Variants in ITGA4 observed in about 807,000 individuals in gnomAD.
ITGA4 encodes the protein integrin subunit alpha 4.
Under a neutral mutation model 133.6 loss-of-function variants are expected in ITGA4, and 63 were observed. That is an observed-to-expected ratio of 0.47 (90% CI 0.38 to 0.58). The LOEUF is 0.58. ITGA4 is among the 20% of genes least tolerant of loss of function. The probability of loss-of-function intolerance (pLI) is 0.00; values close to 1 mark genes in which losing one functional copy is unlikely to be tolerated. For missense variants in ITGA4, 1,076 were observed against 1,252.7 expected (o/e 0.86, Z 2.13); for synonymous variants, 483 against 438.0 (o/e 1.10, Z -1.28).
Position 181,457,822 on chromosome 2 carries a change from C to G in ITGA4, c.168C>G (p.Val56=), listed in dbSNP as rs1035611970. The G allele has an allele frequency of 2.5e-6, 4 of 1,613,180 alleles. No individual in the cohort carries two copies. Among genetic ancestry groups the G allele is most frequent in the Admixed American group, 3.3e-5 (2 of 59,938 alleles). The part of the protein sequence containing the change: ...GPHNTLFGYS[V]VLHSHGANRW... ...ACAACACGCTGTTCGGCTACTCGGTCGTGCTGCACAGCCACGGGGCGAACC... is the reference window on the plus strand; with the variant it reads ...ACAACACGCTGTTCGGCTACTCGGTGGTGCTGCACAGCCACGGGGCGAACC... Residue 56 remains valine, a synonymous_variant, in exon 1 of 28, where the codon GTC becomes GTG. Coordinates refer to ENST00000397033, the MANE Select transcript of ITGA4 (RefSeq NM_000885.6).
chr2:181,458,000 G>C lies in ITGA4; in HGVS notation c.197+149G>C, dbSNP rs1477085035. ...GAGCCAGCTCGCTGGAAATCTGCCA[G>C]GGAAACTAACTTATCTTGGGGCGGC... On this transcript the variant is annotated intron_variant, in intron 1 of 27. Coordinates refer to ENST00000397033, the MANE Select transcript of ITGA4 (RefSeq NM_000885.6). 4.4e-6 allele frequency: 5 copies of C among 1,133,662 alleles called. No homozygotes were observed. The African/African-American group carries it at 7.8e-5, about 18-fold the overall frequency. 70.2% of individuals were successfully genotyped at this position (1,133,662 alleles called of 1,614,324 possible).
At chr2:181,474,042 A>G (rs1685617870) in intron 2 of ITGA4, among the ~76,000 whole-genome samples, 1 of 152,250 alleles carries the variant, frequency 6.6e-6, no homozygotes, top group African/African-American at 2.4e-5. Flanking sequence ...TTAAGAACAG[A>G]TGCAATAGAA....
rs1559062896 is a variant in ITGA4, at chr2:181,537,124, T to TA, written c.*1603dup. 6.6e-6 allele frequency: 3 copies of TA among 453,140 alleles called. No individual in the cohort carries two copies. The highest frequency in any genetic ancestry group is 2.0e-5 in the African/African-American group (1 of 49,942). 28.1% of individuals were successfully genotyped at this position (453,140 alleles called of 1,614,324 possible). A position where few individuals can be genotyped will look rare whatever the true frequency, so the allele number is the denominator to read the frequency against. ...AAACTTTATGACATTTATGTATTTT[T>TA]AAAAAACTTTGTATCGTTATAAAAA... On this transcript the variant is annotated 3_prime_UTR_variant, in exon 28 of 28. Transcript: ENST00000397033.
At chr2:181,507,445 A>G (rs1417769561) in intron 15 of ITGA4, among the ~76,000 whole-genome samples, 1 of 152,052 alleles carries the variant, frequency 6.6e-6, no homozygotes, top group Admixed American at 6.6e-5. Context: ...TTTGTTGAGT[A>G]CCCTTTGAAA....
intron 10 of ITGA4, among the ~76,000 whole-genome samples, chr2:181,488,320 C>A (rs1685966336): frequency 6.6e-6 from 1 of 152,076 alleles, no homozygotes; most frequent in Non-Finnish European, 1.5e-5. Context: ...TATATGAGAC[C>A]CTGGGCTTCA....
In ITGA4 at chr2:181,538,621, T is replaced by C. The variant is rs1005538893; in HGVS notation, c.*3094T>C. On this transcript the variant is annotated 3_prime_UTR_variant, in exon 28 of 28. Transcript: ENST00000397033. ...TGTTTATACCAGTTGCTATGTAAAA[T>C]TGTTCCCAAGGGAAGTTGAATGCTC... is the stretch of plus-strand genomic sequence containing the variant. 6.6e-6 allele frequency among the ~76,000 whole-genome samples: 1 copy of C among 152,072 alleles called. No homozygotes were observed. The highest frequency in any genetic ancestry group is 1.9e-4 in the East Asian group (1 of 5,198).
At chr2:181,529,985 T>C (rs1019007652) in intron 23 of ITGA4, among the ~76,000 whole-genome samples, 5 of 152,174 alleles carry the variant, frequency 3.3e-5, no homozygotes, top group Non-Finnish European at 7.4e-5. Context: ...TCATAAAACT[T>C]GAAACTACTG....
intron 2 of ITGA4, among the ~76,000 whole-genome samples, chr2:181,461,450 A>G (rs908090217): frequency 1.3e-5 from 2 of 151,678 alleles, no homozygotes; most frequent in Non-Finnish European, 2.9e-5. Context: ...GCTCGTGAAG[A>G]CTATATCTGA....
chr2:181,498,862 T>C, intron 15 of ITGA4, 85 bp downstream of exon 15: 26 of 1,461,070 alleles, frequency 1.8e-5, no homozygotes, highest in Non-Finnish European at 2.1e-5. Flanking sequence ...TATCTTTTTA[T>C]AAAATGTAGA....
intron 10 of ITGA4, among the ~76,000 whole-genome samples, chr2:181,488,705 C>G (rs1360566627): frequency 6.6e-6 from 1 of 151,832 alleles, no homozygotes; most frequent in East Asian, 1.9e-4. Flanking sequence ...ACTACAGGCA[C>G]CCGCCACCAC....
chr2:181,530,761 G>A, intron 24 of ITGA4, 112 bp downstream of exon 24: 1 of 947,108 alleles, frequency 1.1e-6, no homozygotes, highest in Non-Finnish European at 1.6e-6. Context: ...GAGAAGACAA[G>A]TTTAGGTAGT....
intron 14 of ITGA4, among the ~76,000 whole-genome samples, chr2:181,496,207 C>T (rs1686154696): frequency 6.6e-6 from 1 of 152,084 alleles, no homozygotes; most frequent in African/African-American, 2.4e-5. Context: ...TAAGGTAAAC[C>T]AACTGAGCTT....
intron 10 of ITGA4, among the ~76,000 whole-genome samples, chr2:181,486,618 T>C (rs1685924887): frequency 6.6e-6 from 1 of 152,218 alleles, no homozygotes; most frequent in South Asian, 2.1e-4. Context: ...GGTAGTGTGG[T>C]AACTGTGCAT....
At chr2:181,467,787 G>T (rs942065022) in intron 2 of ITGA4, among the ~76,000 whole-genome samples, 3 of 152,168 alleles carry the variant, frequency 2.0e-5, no homozygotes, top group African/African-American at 7.2e-5. Flanking sequence ...AGAGATCAAA[G>T]ATGCTATTTT....
chr2:181,519,662 T>C (rs1403789741), intron 17 of ITGA4, among the ~76,000 whole-genome samples: 1 of 152,144 alleles, frequency 6.6e-6, no homozygotes, highest in African/African-American at 2.4e-5. Flanking sequence ...CATTAATTCA[T>C]AGGTCATTTC....
Position 181,534,283 on chromosome 2 carries a change from A to G in ITGA4, c.2796A>G (p.Ser932=). Reference sequence around the variant, plus strand: ...CTTTTATTAAACAGGATGAGACTTCAGCACTCAAGTTTGAAATAAGAGCAA... The same window carrying G: ...CTTTTATTAAACAGGATGAGACTTCGGCACTCAAGTTTGAAATAAGAGCAA... ...RPSILEMDET[S]ALKFEIRATG... is the part of the protein sequence containing the mutation. Residue 932 remains serine, a synonymous_variant, in exon 26 of 28, where the codon TCA becomes TCG. Transcript: ENST00000397033. 1 of 1,599,210 alleles carries G rather than the reference A, an allele frequency of 6.3e-7. No homozygotes were observed. Among genetic ancestry groups the G allele is most frequent in the South Asian group, 1.1e-5 (1 of 90,738 alleles).
rs200211139 is a variant in ITGA4, at chr2:181,480,191, G to A, written c.679G>A (p.Val227Ile). 74 of 1,551,034 alleles carry A rather than the reference G, an allele frequency of 4.8e-5. No individual in the cohort carries two copies. The highest frequency in any genetic ancestry group is 6.4e-5 in the Non-Finnish European group (73 of 1,148,512). The change falls in exon 6 of 28, where the codon GTC becomes ATC. Residue 227 changes from valine to isoleucine, a missense_variant. By Grantham distance (29) the Val-to-Ile change is conservative. Around this residue, in one of 4 missense-constraint regions of ITGA4, gnomAD observed 436 missense variants for 590.7 expected, o/e 0.74. Transcript: ENST00000397033. ...GSSYWTGSLF[V>I]YNITTNKYKA... ...ATCTTACTGGACTGGCTCTCTTTTT[G>A]TCTACAATATAACTACAAATAAATA... is the stretch of plus-strand genomic sequence containing the variant.
chr2:181,485,302 T>C (rs1685890379), intron 9 of ITGA4, among the ~76,000 whole-genome samples: 1 of 152,236 alleles, frequency 6.6e-6, no homozygotes, highest in Admixed American at 6.5e-5. Flanking sequence ...CTTTGGAATT[T>C]GTTTTGCTGC....
chr2:181,466,100 C>T (rs1685405714), intron 2 of ITGA4, among the ~76,000 whole-genome samples: 1 of 152,018 alleles, frequency 6.6e-6, no homozygotes, highest in African/African-American at 2.4e-5. Flanking sequence ...CGTACGTTTT[C>T]TGTGGGATTT....
Sources: allele counts gnomAD v4.1 joint callset (sites outside exome capture counted in the v4.1 genomes callset), GRCh38; gene constraint gnomAD v4.1.1; regional missense constraint gnomAD v4.1.1; transcripts MANE v1.5; gene names NCBI Gene and HGNC (gene_info 2026-07-23, HGNC 2026-07-21).